Variants in TVP23A observed in about 807,000 individuals in gnomAD.
TVP23A encodes trans-golgi network vesicle protein 23 homolog A.
A neutral mutation model predicts 31.7 loss-of-function variants in TVP23A; 21 were observed. The observed-to-expected ratio is 0.66, with a 90% CI of 0.47 to 0.95. The LOEUF is 0.95. Among genes scored for constraint, TVP23A ranks in the 40% least tolerant of loss-of-function variants. The pLI is 0.00. For synonymous variants in TVP23A, 104 were observed against 96.0 expected, an observed-to-expected ratio of 1.08 and a Z score of -0.49; for missense variants, 279 against 255.6, an observed-to-expected ratio of 1.09 and a Z score of -0.62.
chr16:10,790,080 C>A (rs367657979), intron 2 of TVP23A, among the ~76,000 whole-genome samples: 15 of 152,202 alleles, frequency 9.9e-5, no homozygotes, highest in African/African-American at 3.6e-4. Flanking sequence ...CCCTTAGAGA[C>A]AATAGAAGAC....
chr16:10,762,694 C>G (rs554570816), downstream of TVP23A, among the ~76,000 whole-genome samples: 1 of 152,098 alleles, frequency 6.6e-6, no homozygotes, highest in Non-Finnish European at 1.5e-5. Context: ...ACCCATGCCT[C>G]GGAACTTCCA....
chr16:10,769,283 C>G (rs1802953), intron 7 of TVP23A, 182 bp from the exon 8 acceptor site: 5 of 580,808 alleles, frequency 8.6e-6, no homozygotes, highest in Non-Finnish European at 1.5e-5. Flanking sequence ...GTACACTTTT[C>G]TTTAGAACAT....
At chr16:10,782,140 G>A (rs531091947) in intron 2 of TVP23A, among the ~76,000 whole-genome samples, 145 of 152,128 alleles carry the variant, frequency 9.5e-4, no homozygotes, top group Non-Finnish European at 6.3e-4. Context: ...AGGATTATAG[G>A]TGTGAGCTAC....
chr16:10,760,417 A>G (rs184740046), downstream of TVP23A, among the ~76,000 whole-genome samples: 6 of 152,354 alleles, frequency 3.9e-5, no homozygotes, highest in Non-Finnish European at 1.5e-5. Flanking sequence ...TTAATATAGT[A>G]TAGTATAGGG....
At chr16:10,769,427 C>T (rs1220151919) in intron 7 of TVP23A, 2 of 279,696 alleles carry the variant, frequency 7.2e-6, no homozygotes, top group Non-Finnish European at 1.3e-5. Flanking sequence ...GAAGCTTAGT[C>T]GATTGTAGAA....
At chr16:10,785,733 G>A (rs536145756) in intron 2 of TVP23A, among the ~76,000 whole-genome samples, 8 of 152,288 alleles carry the variant, frequency 5.3e-5, no homozygotes, top group Middle Eastern at 3.4e-3. Flanking sequence ...CTGGAAAGGC[G>A]GAACACCTTT....
intron 2 of TVP23A, among the ~76,000 whole-genome samples, chr16:10,817,252 T>C (rs2034485046): frequency 6.6e-6 from 1 of 152,248 alleles, no homozygotes; most frequent in South Asian, 2.1e-4. Context: ...CATAGGAAAC[T>C]AATACAGTCT....
chr16:10,788,312 T>A (rs2032890685), intron 2 of TVP23A, among the ~76,000 whole-genome samples: 1 of 151,884 alleles, frequency 6.6e-6, no homozygotes, highest in African/African-American at 2.4e-5. Flanking sequence ...TCTTGCTCTG[T>A]CGCCCAGGTT....
At chr16:10,793,372 G>T (rs566311625) in intron 2 of TVP23A, among the ~76,000 whole-genome samples, 1 of 152,106 alleles carries the variant, frequency 6.6e-6, no homozygotes, top group Non-Finnish European at 1.5e-5. Flanking sequence ...GGACAAGTTG[G>T]GGGGGTGCCT....
At position 10,812,084 on chromosome 16, in the gene TVP23A, G is replaced by A. The variant is rs189965441; in HGVS notation, c.89+6019C>T. On this transcript the variant is annotated intron_variant, in intron 2 of 7. Coordinates refer to ENST00000299866, the MANE Select transcript of TVP23A (RefSeq NM_001079512.4). The stretch of plus-strand genomic sequence containing the variant: ...AATCCGATAACTGATTAAAAAAAAC[G>A]GGCAAGAGACTTGAATAGACATTTC... Among the ~76,000 whole-genome samples, 30 of 151,600 alleles carry A rather than the reference G, an allele frequency of 2.0e-4. No homozygotes were observed. The East Asian group carries it at 3.1e-3, about 16-fold the overall frequency.
intron 7 of TVP23A, 144 bp downstream of exon 7, chr16:10,770,128 C>G (rs1286714412): frequency 2.1e-5 from 22 of 1,030,114 alleles, no homozygotes; most frequent in Non-Finnish European, 1.4e-6. Flanking sequence ...GCCCATTGCC[C>G]AGTCTGCTTC....
chr16:10,789,207 C>T (rs2032950352), intron 2 of TVP23A, among the ~76,000 whole-genome samples: 1 of 152,140 alleles, frequency 6.6e-6, no homozygotes, highest in Admixed American at 6.5e-5. Context: ...TGTTTTTTAC[C>T]AGCCTTAAAA....
intron 5 of TVP23A, among the ~76,000 whole-genome samples, chr16:10,772,988 G>A (rs1175308340): frequency 2.6e-5 from 4 of 151,988 alleles, no homozygotes; most frequent in East Asian, 1.9e-4. Flanking sequence ...GCTCAAGCGT[G>A]CACACCATCA....
At chr16:10,786,901 T>C (rs1372996679) in intron 2 of TVP23A, among the ~76,000 whole-genome samples, 1 of 151,712 alleles carries the variant, frequency 6.6e-6, no homozygotes, top group African/African-American at 2.4e-5. Flanking sequence ...CATGGGCTGA[T>C]ATTCTGGGTA....
chr16:10,802,704 A>G (rs927264627), intron 2 of TVP23A, among the ~76,000 whole-genome samples: 1 of 152,200 alleles, frequency 6.6e-6, no homozygotes, highest in Non-Finnish European at 1.5e-5. Context: ...CACTAACTCA[A>G]AATATCATTT....
chr16:10,817,002 A>G (rs954679634), intron 2 of TVP23A, among the ~76,000 whole-genome samples: 1 of 151,908 alleles, frequency 6.6e-6, no homozygotes, highest in Non-Finnish European at 1.5e-5. Context: ...TGAACATGCT[A>G]TAACACTGGC....
chr16:10,762,024 G>A, downstream of TVP23A: 1 of 581,696 alleles, frequency 1.7e-6, no homozygotes, highest in Non-Finnish European at 3.0e-6. Flanking sequence ...GAGGCCACCG[G>A]GAGAGAGGCC....
At chr16:10,778,661 TAA>T (rs532972083) in intron 2 of TVP23A, among the ~76,000 whole-genome samples, 23 of 138,054 alleles carry the variant, frequency 1.7e-4, no homozygotes, top group Admixed American at 3.6e-4. Flanking sequence ...AATACAAATG[TAA>T]AAAAAAAAAA....
At chr16:10,765,552 T>G (rs923863666), downstream of TVP23A, among the ~76,000 whole-genome samples, 8 of 152,006 alleles carry the variant, frequency 5.3e-5, no homozygotes, top group Non-Finnish European at 2.9e-5. This position sits in a 1 kb window ranked among gnomAD's most constrained non-coding sequence, Gnocchi z 4.0. Context: ...CACCCAAATA[T>G]GTCCACGGGC....
Sources: allele counts gnomAD v4.1 joint callset (sites outside exome capture counted in the v4.1 genomes callset), GRCh38; gene constraint gnomAD v4.1.1; non-coding constraint Gnocchi (gnomAD v3.1); transcripts MANE v1.5; gene names NCBI Gene and HGNC (gene_info 2026-07-23, HGNC 2026-07-21).